Variants in MED12L observed in about 807,000 individuals in gnomAD.
The protein encoded by MED12L is mediator complex subunit 12L.
A neutral mutation model predicts 281.3 loss-of-function variants in MED12L; 60 were observed. The ratio of observed to expected loss-of-function variants is 0.21; its 90% CI spans 0.17 to 0.26. The LOEUF (loss-of-function observed/expected upper bound fraction) is 0.26, where lower values mean the gene tolerates loss of function less well. Ranked by LOEUF, MED12L falls within the 10% of genes least tolerant of loss-of-function variation. MED12L has a pLI of 1.00. For synonymous variants in MED12L, 974 were observed against 987.2 expected, an observed-to-expected ratio of 0.99 and a Z score of 0.25; for missense variants, 2,146 against 2,680.9, an observed-to-expected ratio of 0.80 and a Z score of 4.41.
Position 151,372,779 on chromosome 3 carries a change from A to C in MED12L, c.3864+13A>C. 1 of 1,607,500 alleles carries C rather than the reference A, an allele frequency of 6.2e-7. No individual in the cohort carries two copies. The highest frequency in any genetic ancestry group is 8.5e-7 in the Non-Finnish European group (1 of 1,174,362). On this transcript the variant is annotated intron_variant, in intron 27 of 44. Coordinates refer to ENST00000687756, the MANE Select transcript of MED12L (RefSeq NM_001393769.1). ...TATCTGTCAACAGGTATTCTAATTT[A>C]ATTTGCCTTTTACTTTGAGTACGTA...
At chr3:151,349,592 T>A (rs1752974578) in intron 16 of MED12L, among the ~76,000 whole-genome samples, 1 of 117,544 alleles carries the variant, frequency 8.5e-6, no homozygotes, top group African/African-American at 4.8e-5. Context: ...TCCAGGAATA[T>A]TTTTTATAAA....
chr3:151,273,223 T>A lies in MED12L; in HGVS notation c.2251-76836T>A, dbSNP rs969196486. ...GCAATGACAGCAATAAACATTGTTGTGTTCTTTTTTTTTTTTTTTTTTTTT... is the reference window on the plus strand; with the variant it reads ...GCAATGACAGCAATAAACATTGTTGAGTTCTTTTTTTTTTTTTTTTTTTTT... On this transcript the variant is annotated intron_variant, in intron 16 of 44. Transcript: ENST00000687756. 2.0e-5 allele frequency among the ~76,000 whole-genome samples: 3 copies of A among 146,846 alleles called. No individual in the cohort carries two copies. The Admixed American group carries it at 2.1e-4, about 10-fold the overall frequency.
chr3:151,260,389 G>T (rs930378511), intron 16 of MED12L, among the ~76,000 whole-genome samples: 1 of 152,062 alleles, frequency 6.6e-6, no homozygotes, highest in African/African-American at 2.4e-5. Context: ...TTGCTCTGTT[G>T]TCCAGGCTGG....
intron 43 of MED12L, among the ~76,000 whole-genome samples, chr3:151,422,282 C>A (rs574553810): frequency 1.3e-5 from 2 of 152,320 alleles, no homozygotes; most frequent in Admixed American, 6.5e-5. Flanking sequence ...ACAAAGTACG[C>A]AAACTAGATG....
chr3:151,169,117 T>TG (rs201537160), intron 11 of MED12L, among the ~76,000 whole-genome samples: 5,229 of 145,874 alleles, frequency 0.036, 310 homozygotes, highest in African/African-American at 0.13. Flanking sequence ...TTTTTTTTTT[T>TG]TTTTGTTTTT....
intron 16 of MED12L, among the ~76,000 whole-genome samples, chr3:151,286,756 TG>T (rs773669242): frequency 2.1e-4 from 32 of 152,214 alleles, no homozygotes; most frequent in Non-Finnish European, 4.6e-4. Context: ...AGTTGAAACC[TG>T]TTGTGCCAGC....
At chr3:151,271,777 A>G (rs930996738) in intron 16 of MED12L, among the ~76,000 whole-genome samples, 1 of 152,186 alleles carries the variant, frequency 6.6e-6, no homozygotes, top group Non-Finnish European at 1.5e-5. Flanking sequence ...ACAAACGACT[A>G]TGTACCTTGT....
rs148927984 is a variant in MED12L at position 151,353,194 on chromosome 3, T to G, written c.2399-1927T>G. 2.0e-3 allele frequency among the ~76,000 whole-genome samples: 308 copies of G among 152,330 alleles called. 6 individuals are homozygous for G. In the East Asian group the frequency reaches 0.039, roughly 19 times the overall value. Reference sequence around the variant, plus strand: ...TCTTTAAGTCTGTTGTTATTATTTGTTTTGTCCCAGGAAGAACTGAATCAA... The same window carrying G: ...TCTTTAAGTCTGTTGTTATTATTTGGTTTGTCCCAGGAAGAACTGAATCAA... On this transcript the variant is annotated intron_variant, in intron 17 of 44. Coordinates refer to ENST00000687756, the MANE Select transcript of MED12L (RefSeq NM_001393769.1).
At chr3:151,300,099 A>G (rs558918963) in intron 16 of MED12L, 2 of 1,606,840 alleles carry the variant, frequency 1.2e-6, no homozygotes, top group Admixed American at 1.7e-5. Context: ...GTTGAACCCC[A>G]TTCTTCAGTT....
At chr3:151,424,531 A>G (rs1042879717) in intron 43 of MED12L, among the ~76,000 whole-genome samples, 3 of 152,138 alleles carry the variant, frequency 2.0e-5, no homozygotes, top group African/African-American at 7.2e-5. Context: ...AGGCAGGAGA[A>G]TGGCGTGAAC....
In MED12L at chr3:151,433,751, GA is replaced by G. The variant is rs1285134038; in HGVS notation, c.*949del. ...CCAGAGAATCTGGCCCCAAAGTCCAGAAGGCTCTGGTTTTCATAAAAGGTGT... is the reference window on the plus strand; with the variant it reads ...CCAGAGAATCTGGCCCCAAAGTCCAGAGGCTCTGGTTTTCATAAAAGGTGT... On this transcript the variant is annotated 3_prime_UTR_variant, in exon 45 of 45. Coordinates refer to ENST00000687756, the MANE Select transcript of MED12L (RefSeq NM_001393769.1). 1 of 152,630 alleles carries G rather than the reference GA, an allele frequency of 6.6e-6. No individual in the cohort carries two copies. Among genetic ancestry groups the G allele is most frequent in the Non-Finnish European group, 1.5e-5 (1 of 68,042 alleles). 9.5% of individuals were successfully genotyped at this position (152,630 alleles called of 1,614,324 possible). A position where few individuals can be genotyped will look rare whatever the true frequency, so the allele number is the denominator to read the frequency against.
At chr3:151,374,802 C>CAA (rs201410926) in intron 27 of MED12L, among the ~76,000 whole-genome samples, 4,337 of 152,226 alleles carry the variant, frequency 0.028, 81 homozygotes, top group Non-Finnish European at 0.045. Flanking sequence ...AGCTTACTTT[C>CAA]AAAAGTGAAA....
intron 16 of MED12L, among the ~76,000 whole-genome samples, chr3:151,200,240 C>T (rs1043733507): frequency 1.3e-5 from 2 of 152,040 alleles, no homozygotes; most frequent in East Asian, 1.9e-4. Context: ...GAACATTGAG[C>T]GGGTTTGTAA....
intron 16 of MED12L, among the ~76,000 whole-genome samples, chr3:151,293,638 T>TACACACACACACACACAC (rs199892582): frequency 4.8e-4 from 48 of 99,726 alleles, no homozygotes; most frequent in African/African-American, 1.7e-3. Flanking sequence ...ATGAAGCCCT[T>TACACACACACACACACAC]ACACACACAC....
intron 16 of MED12L, chr3:151,294,792 T>C (rs1232066293): frequency 6.2e-7 from 1 of 1,614,078 alleles, no homozygotes; most frequent in African/African-American, 1.3e-5. Flanking sequence ...ATGCTGTACA[T>C]CCGAGAGTCC....
At chr3:151,090,821 C>T (rs1719935056) in intron 2 of MED12L, among the ~76,000 whole-genome samples, 1 of 152,116 alleles carries the variant, frequency 6.6e-6, no homozygotes, top group Admixed American at 6.5e-5. Flanking sequence ...GGGTGGATCA[C>T]CTGAGGTCAG....
rs537028698 is a variant in MED12L, at chr3:151,127,186, C to A, written c.397-639C>A. 1.1e-4 allele frequency among the ~76,000 whole-genome samples: 16 copies of A among 152,266 alleles called. No individual in the cohort carries two copies. The South Asian group carries it at 3.3e-3, about 32-fold the overall frequency. On this transcript the variant is annotated intron_variant, in intron 4 of 44. Transcript: ENST00000687756. ...ATTTGCTAAATAGTACCTTTGTGGT[C>A]TGGAAGACATAATTAACTGCCTCAA...
intron 16 of MED12L, among the ~76,000 whole-genome samples, chr3:151,306,047 A>G (rs1012429547): frequency 7.2e-5 from 11 of 152,166 alleles, no homozygotes; most frequent in African/African-American, 2.4e-4. Flanking sequence ...TTTCAGGAGC[A>G]TTACCTGCCG....
At chr3:151,229,518 G>A (rs1317443719) in intron 16 of MED12L, among the ~76,000 whole-genome samples, 14 of 114,968 alleles carry the variant, frequency 1.2e-4, no homozygotes, top group Admixed American at 3.7e-4. Flanking sequence ...TCACTTTGTC[G>A]CCCAGGCTGG....
Sources: allele counts gnomAD v4.1 joint callset (sites outside exome capture counted in the v4.1 genomes callset), GRCh38; gene constraint gnomAD v4.1.1; transcripts MANE v1.5; gene names NCBI Gene and HGNC (gene_info 2026-07-23, HGNC 2026-07-21).